DCPS: variants seen among roughly 807,000 people sequenced by gnomAD.
The protein encoded by DCPS is m7GpppX diphosphatase.
A neutral mutation model predicts 34.7 loss-of-function variants in DCPS; 27 were observed. The ratio of observed to expected loss-of-function variants is 0.78; its 90% confidence interval spans 0.57 to 1.07. The LOEUF is 1.07. Ranked by LOEUF, DCPS falls within the 50% of genes least tolerant of loss-of-function variation. DCPS has a pLI of 0.00. For missense variants in DCPS, 464 were observed against 436.9 expected (o/e 1.06, Z -0.55); for synonymous variants, 185 against 185.7 (o/e 1.00, Z 0.03).
chr11:126,329,285 C>T lies in DCPS; in HGVS notation c.377-2120C>T, dbSNP rs985053423. 3.9e-5 allele frequency among the ~76,000 whole-genome samples: 6 copies of T among 152,188 alleles called. No homozygotes were observed. The highest frequency in any genetic ancestry group is 1.2e-4 in the African/African-American group (5 of 41,444). ...CATGCCCCTTTTTCAGGGTCAGATCCGGGGATTCCCAGGATTGGGTGACAT... is the reference window on the plus strand; with the variant it reads ...CATGCCCCTTTTTCAGGGTCAGATCTGGGGATTCCCAGGATTGGGTGACAT... On this transcript the variant is annotated intron_variant, in intron 2 of 5. Coordinates refer to ENST00000263579, the MANE Select transcript of DCPS (RefSeq NM_014026.6). The surrounding 1 kb of genome is among the most constrained non-coding windows in gnomAD (Gnocchi z 5.0).
intron 2 of DCPS, among the ~76,000 whole-genome samples, chr11:126,309,061 G>C (rs1020582766): frequency 8.3e-6 from 1 of 120,868 alleles, no homozygotes; most frequent in African/African-American, 3.1e-5. Context: ...TTTTGCTCTT[G>C]TCACCCAGAC....
At chr11:126,341,392 G>C (rs78086962) in intron 4 of DCPS, 1 of 152,362 alleles carries the variant, frequency 6.6e-6, no homozygotes, top group African/African-American at 2.4e-5. Context: ...CTCTGAGCGA[G>C]GAGGCCTTTG....
intron 4 of DCPS, chr11:126,341,642 A>T (rs1467966123): frequency 3.3e-5 from 5 of 152,296 alleles, no homozygotes; most frequent in Non-Finnish European, 7.3e-5. Context: ...AGTGACGCAT[A>T]GAACAGCCGA....
chr11:126,306,809 A>T, intron 2 of DCPS, 65 bp downstream of exon 2: 1 of 1,542,484 alleles, frequency 6.5e-7, no homozygotes, highest in East Asian at 2.3e-5. Context: ...ATTAGGTGGT[A>T]TGGTGACCAG....
chr11:126,345,934 G>A lies in DCPS; in HGVS notation c.*321G>A, dbSNP rs961758533. ...AGCCCCAGGGCTCACCGTCCGTGGT[G>A]GCTTCCTTCTCCCCACTCTGTGCCT... is the stretch of plus-strand genomic sequence containing the variant. On this transcript the variant is annotated 3_prime_UTR_variant, in exon 6 of 6. Transcript: ENST00000263579. The surrounding 1 kb of genome is among the most constrained non-coding windows in gnomAD (Gnocchi z 7.4). 6.6e-5 allele frequency among the ~76,000 whole-genome samples: 10 copies of A among 152,028 alleles called. No individual in the cohort carries two copies. The highest frequency in any genetic ancestry group is 1.5e-4 in the Non-Finnish European group (10 of 68,006).
At chr11:126,306,171 A>G (rs1488518078) in intron 1 of DCPS, among the ~76,000 whole-genome samples, 1 of 152,042 alleles carries the variant, frequency 6.6e-6, no homozygotes, top group Non-Finnish European at 1.5e-5. Context: ...TCGGGAGTTC[A>G]AGACCAGCCT....
chr11:126,344,156 C>A lies in DCPS; in HGVS notation c.747+739C>A, dbSNP rs539977043. Among the ~76,000 whole-genome samples, 6 of 152,278 alleles carry A rather than the reference C, an allele frequency of 3.9e-5. No homozygotes were observed. Among genetic ancestry groups the A allele is most frequent in the Non-Finnish European group, 7.4e-5 (5 of 68,024 alleles). On this transcript the variant is annotated intron_variant, in intron 5 of 5. Coordinates refer to ENST00000263579, the MANE Select transcript of DCPS (RefSeq NM_014026.6). The surrounding 1 kb of genome is among the most constrained non-coding windows in gnomAD (Gnocchi z 8.1). ...AACACGCCAGAGCTAGCAGTCACAA[C>A]GATGCCCAGCCAGGAGAGAGGTTTG...
chr11:126,307,332 C>CA (rs113182860), intron 2 of DCPS, among the ~76,000 whole-genome samples: 918 of 83,380 alleles, frequency 0.011, 8 homozygotes, highest in African/African-American at 0.03. Context: ...AACCCTATCT[C>CA]AAAAAAAAAA....
At chr11:126,310,835 C>T (rs1274631846) in intron 2 of DCPS, among the ~76,000 whole-genome samples, 3 of 152,252 alleles carry the variant, frequency 2.0e-5, no homozygotes, top group Admixed American at 2.0e-4. Context: ...AGCCTCAGCC[C>T]TCTGTCCCCC....
rs1951923036 is a variant in DCPS, at chr11:126,345,922, A to G, written c.*309A>G. Among the ~76,000 whole-genome samples the G allele has an allele frequency of 6.6e-6, 1 of 152,036 alleles. No homozygotes were observed. On this transcript the variant is annotated 3_prime_UTR_variant, in exon 6 of 6. Coordinates refer to ENST00000263579, the MANE Select transcript of DCPS (RefSeq NM_014026.6). The surrounding 1 kb of genome is among the most constrained non-coding windows in gnomAD (Gnocchi z 7.4). The stretch of plus-strand genomic sequence containing the variant: ...GGGCCTTCTCCAAGCCCCAGGGCTC[A>G]CCGTCCGTGGTGGCTTCCTTCTCCC...
rs1025758518 is a variant in DCPS, at chr11:126,336,539, C to G, written c.523-1747C>G. On this transcript the variant is annotated intron_variant, in intron 3 of 5. Coordinates refer to ENST00000263579, the MANE Select transcript of DCPS (RefSeq NM_014026.6). The surrounding 1 kb of genome is among the most constrained non-coding windows in gnomAD (Gnocchi z 6.3). ...GTCTCCTTGGCTCAGAACCTGTTCACTCTCACTCTTATACTAGTCACAGGC... is the reference window on the plus strand; with the variant it reads ...GTCTCCTTGGCTCAGAACCTGTTCAGTCTCACTCTTATACTAGTCACAGGC... 6.6e-6 allele frequency: 1 copy of G among 152,248 alleles called. No individual in the cohort carries two copies. The highest frequency in any genetic ancestry group is 2.4e-5 in the African/African-American group (1 of 41,462). The allele number at this position is 152,248 out of a possible 1,614,324, so 9.4% of individuals were successfully genotyped here. A position where few individuals can be genotyped will look rare whatever the true frequency, so the allele number is the denominator to read the frequency against.
chr11:126,322,840 T>A lies in DCPS; in HGVS notation c.377-8565T>A, dbSNP rs370416977. 3.8e-4 allele frequency among the ~76,000 whole-genome samples: 58 copies of A among 152,204 alleles called. No homozygotes were observed. The highest frequency in any genetic ancestry group is 1.8e-3 in the Admixed American group (27 of 15,280). ...AATTCTTTAGCAAGAAGCAAAAAAA[T>A]TTTTTTGAGACAATGTCTCACTTTG... On this transcript the variant is annotated intron_variant, in intron 2 of 5. Transcript: ENST00000263579. The surrounding 1 kb of genome is among the most constrained non-coding windows in gnomAD (Gnocchi z 4.2).
At chr11:126,307,578 T>C (rs1057495313) in intron 2 of DCPS, among the ~76,000 whole-genome samples, 7 of 151,982 alleles carry the variant, frequency 4.6e-5, no homozygotes, top group African/African-American at 1.4e-4. Flanking sequence ...GCCTGGCTAA[T>C]TTTTGTATTT....
intron 4 of DCPS, among the ~76,000 whole-genome samples, chr11:126,339,682 G>A (rs572137413): frequency 1.4e-4 from 21 of 152,310 alleles, no homozygotes; most frequent in South Asian, 2.1e-4. Context: ...CTAAGGGGAC[G>A]CCTGCATCCA....
chr11:126,343,526 TTC>T (rs1951894118), intron 5 of DCPS, 109 bp downstream of exon 5: 1 of 940,482 alleles, frequency 1.1e-6, no homozygotes, highest in South Asian at 1.4e-5. Context: ...TTGGAGAGAC[TTC>T]TCTCTGGATG....
chr11:126,321,347 G>A (rs1247858839), intron 2 of DCPS, among the ~76,000 whole-genome samples: 1 of 152,074 alleles, frequency 6.6e-6, no homozygotes. Context: ...GCACTGAGGT[G>A]TGGAGAGATG....
intron 2 of DCPS, among the ~76,000 whole-genome samples, chr11:126,321,654 TA>T (rs1441868522): frequency 3.3e-5 from 5 of 151,366 alleles, no homozygotes; most frequent in Admixed American, 2.0e-4. Flanking sequence ...AGACTCTAAA[TA>T]AAGCCTCAGC....
At position 126,347,744 on chromosome 11, in the gene DCPS, T is replaced by C. The variant is rs929813034; in HGVS notation, c.*2131T>C. ...TTGGCAGGAGGTTGGATGGAGGTCT[T>C]CTCCCAGAGCAGTGTCCAGCTTGCA... is the stretch of plus-strand genomic sequence containing the variant. On this transcript the variant is annotated 3_prime_UTR_variant, in exon 6 of 6. Coordinates refer to ENST00000263579, the MANE Select transcript of DCPS (RefSeq NM_014026.6). The surrounding 1 kb of genome is among the most constrained non-coding windows in gnomAD (Gnocchi z 4.2). Among the ~76,000 whole-genome samples the C allele has an allele frequency of 1.3e-5, 2 of 152,190 alleles. No homozygotes were observed. The highest frequency in any genetic ancestry group is 2.9e-5 in the Non-Finnish European group (2 of 68,032).
rs766333000 is a variant in DCPS at position 126,337,968 on chromosome 11, C to T, written c.523-318C>T. Reference sequence around the variant, plus strand: ...TCACTGCTATAGAGGGCAGACACAGCCTGGGTTTGGAGGCCTCCGCAGAGC... The same window carrying T: ...TCACTGCTATAGAGGGCAGACACAGTCTGGGTTTGGAGGCCTCCGCAGAGC... On this transcript the variant is annotated intron_variant, in intron 3 of 5. Transcript: ENST00000263579. The surrounding 1 kb of genome is among the most constrained non-coding windows in gnomAD (Gnocchi z 5.3). 1.3e-4 allele frequency: 42 copies of T among 335,732 alleles called. No homozygotes were observed. The highest frequency in any genetic ancestry group is 2.2e-4 in the Non-Finnish European group (38 of 176,080). 20.8% of individuals were successfully genotyped at this position (335,732 alleles called of 1,614,324 possible).
Sources: gnomAD v4.1 joint callset for allele counts (sites outside exome capture counted in the v4.1 genomes callset) on GRCh38, gnomAD v4.1.1 for gene constraint, Gnocchi (gnomAD v3.1) non-coding constraint, MANE v1.5 for transcripts, NCBI Gene and HGNC (gene_info 2026-07-23, HGNC 2026-07-21) for gene names.